SBF2: variants seen among roughly 807,000 people sequenced by gnomAD.
SBF2 encodes SET binding factor 2, also known as myotubularin-related protein 13.
A neutral mutation model predicts 225.2 loss-of-function variants in SBF2; 112 were observed. That is an observed-to-expected ratio of 0.50 (90% confidence interval 0.43 to 0.58). SBF2 has a LOEUF of 0.58. Among genes scored for constraint, SBF2 ranks in the 20% least tolerant of loss-of-function variants. The pLI, the probability that SBF2 is intolerant of heterozygous loss-of-function variation, is 0.00. For synonymous variants in SBF2, 763 were observed against 773.3 expected (o/e 0.99, Z 0.22); for missense variants, 1,996 against 2,206.2 (o/e 0.90, Z 1.91).
chr11:9,959,494 C>T (rs999831943), intron 16 of SBF2: 15 of 846,586 alleles, frequency 1.8e-5, no homozygotes, highest in African/African-American at 3.3e-5. Flanking sequence ...TGCAGGCTTT[C>T]GATTGCACTT....
At chr11:9,964,927 C>A (rs949416581) in intron 14 of SBF2, among the ~76,000 whole-genome samples, 2 of 152,106 alleles carry the variant, frequency 1.3e-5, no homozygotes, top group African/African-American at 2.4e-5. Flanking sequence ...CATGGACATA[C>A]TGCATAGTGG....
chr11:10,035,341 G>T (rs1405417264), intron 3 of SBF2, among the ~76,000 whole-genome samples: 2 of 152,060 alleles, frequency 1.3e-5, no homozygotes, highest in African/African-American at 4.8e-5. Context: ...TACCATTCAA[G>T]ACATAAGCAT....
intron 13 of SBF2, among the ~76,000 whole-genome samples, chr11:9,971,617 T>G (rs1867336512): frequency 6.6e-6 from 1 of 152,192 alleles, no homozygotes; most frequent in Admixed American, 6.5e-5. Flanking sequence ...AGATGGAGGC[T>G]GTGGTGAGCT....
chr11:10,021,144 A>C (rs1265530608), intron 6 of SBF2, among the ~76,000 whole-genome samples: 1 of 152,240 alleles, frequency 6.6e-6, no homozygotes, highest in African/African-American at 2.4e-5. Context: ...AATGCCTATT[A>C]AAGAGTATAC....
At chr11:9,920,726 G>A (rs867310399) in intron 16 of SBF2, among the ~76,000 whole-genome samples, 6 of 152,126 alleles carry the variant, frequency 3.9e-5, no homozygotes, top group African/African-American at 9.7e-5. Flanking sequence ...CCAATTTCCC[G>A]AAACAAAAGT....
chr11:9,840,792 T>C (rs1856078081), intron 25 of SBF2, among the ~76,000 whole-genome samples: 1 of 152,318 alleles, frequency 6.6e-6, no homozygotes, highest in Admixed American at 6.5e-5. Context: ...GGAAATATTT[T>C]TGTTAGAGGA....
chr11:9,959,037 G>A, intron 16 of SBF2: 2 of 1,428,680 alleles, frequency 1.4e-6, no homozygotes, highest in Non-Finnish European at 1.9e-6. Flanking sequence ...TGGCCTTGGT[G>A]CTAATGTTGG....
At chr11:10,304,201 TA>T (rs539546893) in intron 1 of SBF2, among the ~76,000 whole-genome samples, 171 of 152,274 alleles carry the variant, frequency 1.1e-3, no homozygotes, top group African/African-American at 4.0e-3. Flanking sequence ...CCGTGCTTGG[TA>T]AACTGTAAAA....
intron 1 of SBF2, among the ~76,000 whole-genome samples, chr11:10,288,563 T>G (rs1328101744): frequency 6.6e-6 from 1 of 152,082 alleles, no homozygotes; most frequent in Non-Finnish European, 1.5e-5. Flanking sequence ...CTGGTTGTCC[T>G]GCTGTCTGCA....
At chr11:9,887,254 TA>T (rs1331510371) in intron 17 of SBF2, among the ~76,000 whole-genome samples, 1 of 151,818 alleles carries the variant, frequency 6.6e-6, no homozygotes, top group East Asian at 1.9e-4. Context: ...TTAATAAGAT[TA>T]AAAATACTGT....
chr11:10,265,497 G>T (rs1304461837), intron 1 of SBF2, among the ~76,000 whole-genome samples: 19 of 112,758 alleles, frequency 1.7e-4, no homozygotes, highest in African/African-American at 2.4e-4. Context: ...AGAAATCGGG[G>T]GGGGGGAGAG....
intron 16 of SBF2, among the ~76,000 whole-genome samples, chr11:9,917,974 T>TTTCCATCACATCATACCCTACGA (rs1863249562): frequency 6.6e-6 from 1 of 151,676 alleles, no homozygotes; most frequent in Non-Finnish European, 1.5e-5. Context: ...GCCAAAAACC[T>TTTCCATCACATCATACCCTACGA]TTCCATCACA....
intron 16 of SBF2, among the ~76,000 whole-genome samples, chr11:9,954,231 G>A (rs1033226377): frequency 1.3e-5 from 2 of 152,066 alleles, no homozygotes; most frequent in South Asian, 2.1e-4. Flanking sequence ...TAACTTCTAG[G>A]TCATGAAAAG....
Position 9,779,805 on chromosome 11 carries a change from T to A in SBF2, c.*613A>T, listed in dbSNP as rs542254787. 1 of 166,118 alleles carries A rather than the reference T, an allele frequency of 6.0e-6. No individual in the cohort carries two copies. Among genetic ancestry groups the A allele is most frequent in the African/African-American group, 2.4e-5 (1 of 41,670 alleles). 10.3% of individuals were successfully genotyped at this position (166,118 alleles called of 1,614,324 possible). ...TTGTTGTACCATTCCCTGGATAATCTTTTTCCATCAGAATAATGCTGTGTG... is the reference window on the plus strand; with the variant it reads ...TTGTTGTACCATTCCCTGGATAATCATTTTCCATCAGAATAATGCTGTGTG... On this transcript the variant is annotated 3_prime_UTR_variant, in exon 40 of 40. Transcript: ENST00000256190.
At chr11:10,007,632 C>T (rs1017718049) in intron 6 of SBF2, among the ~76,000 whole-genome samples, 2 of 152,092 alleles carry the variant, frequency 1.3e-5, no homozygotes, top group Non-Finnish European at 2.9e-5. Flanking sequence ...CCCCCTCTGG[C>T]TGGTTCGGGA....
intron 1 of SBF2, among the ~76,000 whole-genome samples, chr11:10,213,018 C>A (rs1957992823): frequency 6.6e-6 from 1 of 151,108 alleles, no homozygotes; most frequent in Admixed American, 6.6e-5. Context: ...CACTGCACTT[C>A]AGTTTGGCGA....
At chr11:9,896,352 T>A (rs552663931) in intron 16 of SBF2, among the ~76,000 whole-genome samples, 262 of 152,338 alleles carry the variant, frequency 1.7e-3, no homozygotes, top group African/African-American at 6.1e-3. Flanking sequence ...CACAAATTTT[T>A]TTTTGGAGGA....
At chr11:10,269,892 G>A (rs1962329906) in intron 1 of SBF2, among the ~76,000 whole-genome samples, 1 of 152,090 alleles carries the variant, frequency 6.6e-6, no homozygotes, top group South Asian at 2.1e-4. Flanking sequence ...CTCCCAACTT[G>A]CTGGGATTAC....
Position 9,788,562 on chromosome 11 carries a change from T to C in SBF2, c.4932+547A>G, listed in dbSNP as rs138578798. Among the ~76,000 whole-genome samples the C allele has an allele frequency of 2.2e-3, 336 of 151,146 alleles. 2 individuals are homozygous for C. The highest frequency in any genetic ancestry group is 0.022 in the East Asian group (111 of 5,106). On this transcript the variant is annotated intron_variant, in intron 35 of 39. Coordinates refer to ENST00000256190, the MANE Select transcript of SBF2 (RefSeq NM_030962.4). ...GGAGTAAATTGCTCTATTTGCTTGA[T>C]TGCTTTCTTGTAACGCTGGAAAATC...
Sources: gnomAD v4.1 joint callset for allele counts (sites outside exome capture counted in the v4.1 genomes callset) on GRCh38, gnomAD v4.1.1 for gene constraint, MANE v1.5 for transcripts, NCBI Gene and HGNC (gene_info 2026-07-23, HGNC 2026-07-21) for gene names.